The following CAPSL variants were observed in gnomAD, a reference collection of about 807,000 sequenced individuals.
CAPSL encodes the protein calcyphosin-like protein.
In CAPSL, 17 loss-of-function variants were observed where a neutral mutation model predicts 21.3. The observed-to-expected ratio is 0.80, with a 90% confidence interval of 0.55 to 1.20. The LOEUF (loss-of-function observed/expected upper bound fraction) is 1.20. CAPSL is among the 50% of genes most tolerant of loss of function. The pLI, the probability that CAPSL is intolerant of heterozygous loss-of-function variation, is 0.00. For synonymous variants in CAPSL, 102 were observed against 89.3 expected, an observed-to-expected ratio of 1.14 and a Z score of -0.80; for missense variants, 289 against 259.3, an observed-to-expected ratio of 1.11 and a Z score of -0.79.
At chr5:35,904,857 T>A in intron 4 of CAPSL, 1 of 357,220 alleles carries the variant, frequency 2.8e-6, no homozygotes, top group Non-Finnish European at 3.9e-6. Flanking sequence ...GTCTTGAAAG[T>A]TTCTAAGCCA....
At chr5:35,906,349 C>T (rs1760679813) in intron 4 of CAPSL, among the ~76,000 whole-genome samples, 2 of 152,098 alleles carry the variant, frequency 1.3e-5, no homozygotes. Context: ...TTCCCAGACT[C>T]CTCTGCAGCT....
At chr5:35,910,592 T>C (rs1244736188) in intron 2 of CAPSL, 49 bp from the exon 3 acceptor site, 7 of 1,356,216 alleles carry the variant, frequency 5.2e-6, no homozygotes, top group Admixed American at 4.5e-5. Context: ...AAATAACAGG[T>C]GTAAGTGTAA....
intron 4 of CAPSL, among the ~76,000 whole-genome samples, chr5:35,906,830 A>T (rs1248442713): frequency 6.6e-6 from 1 of 152,148 alleles, no homozygotes; most frequent in African/African-American, 2.4e-5. Flanking sequence ...GGAATCCAAG[A>T]TGGGCAAAAG....
chr5:35,914,740 G>A (rs1286035288), intron 2 of CAPSL, among the ~76,000 whole-genome samples: 1 of 152,136 alleles, frequency 6.6e-6, no homozygotes. Flanking sequence ...AGCACTAAAT[G>A]TCCACAAGAG....
intron 2 of CAPSL, among the ~76,000 whole-genome samples, chr5:35,914,001 G>A (rs1381402510): frequency 6.6e-6 from 1 of 152,092 alleles, no homozygotes; most frequent in Non-Finnish European, 1.5e-5. Context: ...TCACAATAAA[G>A]GGATGGAGGA....
intron 4 of CAPSL, among the ~76,000 whole-genome samples, chr5:35,909,424 C>A: frequency 6.6e-6 from 1 of 152,166 alleles, no homozygotes; most frequent in East Asian, 1.9e-4. Flanking sequence ...GGCACTAAAA[C>A]ATCCTGAAAG....
intron 2 of CAPSL, among the ~76,000 whole-genome samples, chr5:35,912,020 T>C (rs1229458627): frequency 6.6e-6 from 1 of 152,182 alleles, no homozygotes; most frequent in Non-Finnish European, 1.5e-5. Context: ...CCTAATACTA[T>C]GCTTTTCCAA....
At position 35,934,613 on chromosome 5, in the gene CAPSL, G is replaced by C. The variant is rs1003125126; in HGVS notation, c.-1+3928C>G. 8.5e-5 allele frequency among the ~76,000 whole-genome samples: 13 copies of C among 152,286 alleles called. No homozygotes were observed. The East Asian group carries it at 1.7e-3, about 20-fold the overall frequency. ...ATTTCCCCAGCTTCCTTTCTGCCAA[G>C]CCACAGTTTTTCAGTGACCATATCC... On this transcript the variant is annotated intron_variant, in intron 1 of 4. Coordinates refer to ENST00000651391, the MANE Select transcript of CAPSL (RefSeq NM_001042625.2).
At chr5:35,912,644 A>T (rs10077384) in intron 2 of CAPSL, among the ~76,000 whole-genome samples, 2 of 152,212 alleles carry the variant, frequency 1.3e-5, no homozygotes, top group East Asian at 3.9e-4. Context: ...CCTGCAGCTG[A>T]GGTTCCTGAC....
At chr5:35,928,668 G>A (rs2149931367) in intron 1 of CAPSL, among the ~76,000 whole-genome samples, 1 of 152,242 alleles carries the variant, frequency 6.6e-6, no homozygotes, top group Middle Eastern at 3.4e-3. Flanking sequence ...GATATTTTTG[G>A]TTGTTGCAAT....
rs548893725 is a variant in CAPSL at position 35,904,601 on chromosome 5, A to G, written c.571T>C (p.Ser191Pro). 5.6e-6 allele frequency: 9 copies of G among 1,613,498 alleles called. No individual in the cohort carries two copies. The highest frequency in any genetic ancestry group is 6.8e-6 in the Non-Finnish European group (8 of 1,179,904). The change falls in exon 5 of 5, where the codon TCC becomes CCC. Residue 191 changes from serine to proline, a missense_variant. Transcript: ENST00000651391. ...ATGAAGTACACATCAGTGTCAATGG[A>G]TGCGCTCACACCTGCATAGTAGTTC... Reference protein sequence around the residue: ...FMNYYAGVSASIDTDVYFIIM... With the variant: ...FMNYYAGVSAPIDTDVYFIIM...
intron 1 of CAPSL, among the ~76,000 whole-genome samples, chr5:35,924,304 A>C (rs1476173031): frequency 6.6e-6 from 1 of 152,202 alleles, no homozygotes; most frequent in East Asian, 1.9e-4. Context: ...ACTTGCTCAA[A>C]AGTCCTGGCC....
At chr5:35,910,565 AT>A (rs769934304) in intron 2 of CAPSL, 22 bp from the exon 3 acceptor site, 1 of 1,539,760 alleles carries the variant, frequency 6.5e-7, no homozygotes, top group Admixed American at 1.8e-5. Flanking sequence ...ACACACAAAA[AT>A]TCAGAAGAAA....
intron 4 of CAPSL, among the ~76,000 whole-genome samples, chr5:35,905,900 G>A (rs533146638): frequency 3.3e-5 from 5 of 152,314 alleles, no homozygotes; most frequent in Admixed American, 1.3e-4. Flanking sequence ...TCTGAAGCAG[G>A]TGGTTGTGGA....
At chr5:35,911,681 G>C (rs2149918524) in intron 2 of CAPSL, among the ~76,000 whole-genome samples, 1 of 152,292 alleles carries the variant, frequency 6.6e-6, no homozygotes, top group East Asian at 1.9e-4. Context: ...TAAATTATGG[G>C]CCTTAGTTAA....
chr5:35,925,931 C>CTAT (rs1738663506), intron 1 of CAPSL, among the ~76,000 whole-genome samples: 1 of 152,012 alleles, frequency 6.6e-6, no homozygotes, highest in South Asian at 2.1e-4. Flanking sequence ...CAAAAATTAG[C>CTAT]CGGTCATGAT....
At chr5:35,905,922 A>C (rs1339832261) in intron 4 of CAPSL, among the ~76,000 whole-genome samples, 1 of 152,224 alleles carries the variant, frequency 6.6e-6, no homozygotes, top group Non-Finnish European at 1.5e-5. Flanking sequence ...TTTACTTCTT[A>C]AAAATCTAAA....
chr5:35,910,228 TAA>T, intron 3 of CAPSL, 136 bp downstream of exon 3: 2 of 1,139,668 alleles, frequency 1.8e-6, no homozygotes, highest in East Asian at 2.4e-5. Context: ...CAAAAATTCC[TAA>T]GTCTGTTCAC....
Position 35,910,373 on chromosome 5 carries a change from G to A in CAPSL, c.308C>T (p.Thr103Ile). Residue 103 changes from threonine (T) to isoleucine (I), a missense_variant, in exon 3 of 5, where the codon ACA becomes ATA. Transcript: ENST00000651391. Reference protein sequence around the residue: ...GTIDFNEFLLTLRPPMSRARK... With the variant: ...GTIDFNEFLLILRPPMSRARK... Reference sequence around the variant, plus strand: ...ATTAATGGGGCCACTTACTCTTAATGTGAGAAGAAATTCATTGAAGTCTAT... The same window carrying A: ...ATTAATGGGGCCACTTACTCTTAATATGAGAAGAAATTCATTGAAGTCTAT... The A allele has an allele frequency of 6.2e-7, 1 of 1,613,146 alleles. No individual in the cohort carries two copies. Among genetic ancestry groups the A allele is most frequent in the African/African-American group, 1.3e-5 (1 of 74,994 alleles).
Sources: gnomAD v4.1 joint callset for allele counts (sites outside exome capture counted in the v4.1 genomes callset) on GRCh38, gnomAD v4.1.1 for gene constraint, MANE v1.5 for transcripts, NCBI Gene and HGNC (gene_info 2026-07-23, HGNC 2026-07-21) for gene names.